The following CUL3 variants were observed in gnomAD, a reference collection of about 807,000 sequenced individuals.
CUL3 encodes cullin 3.
A neutral mutation model predicts 89.1 loss-of-function variants in CUL3; 19 were observed. The ratio of observed to expected loss-of-function variants is 0.21; its 90% CI spans 0.15 to 0.31. CUL3 has a LOEUF of 0.31. Ranked by LOEUF, CUL3 falls within the 10% of genes least tolerant of loss-of-function variation. The probability of loss-of-function intolerance (pLI) is 1.00; values close to 1 mark genes in which losing one functional copy is unlikely to be tolerated. For missense variants in CUL3, 469 were observed against 942.3 expected (o/e 0.50, Z 6.58); for synonymous variants, 351 against 308.4 (o/e 1.14, Z -1.45).
intron 14 of CUL3, 24 bp downstream of exon 14, chr2:224,481,868 G>A (rs1691550815): frequency 2.1e-6 from 3 of 1,408,638 alleles, no homozygotes; most frequent in Admixed American, 5.7e-5. Flanking sequence ...AATTTTTTGA[G>A]AGGAAAAATA....
intron 14 of CUL3, chr2:224,479,211 T>C (rs1037101075): frequency 3.9e-5 from 6 of 152,226 alleles, no homozygotes; most frequent in African/African-American, 7.2e-5. Context: ...GGCATGGGCA[T>C]AGATAGCCAC....
intron 2 of CUL3, among the ~76,000 whole-genome samples, chr2:224,546,823 A>G (rs1694322419): frequency 6.6e-6 from 1 of 152,070 alleles, no homozygotes; most frequent in Non-Finnish European, 1.5e-5. Flanking sequence ...AAACCATTCA[A>G]TTTCCAATGT....
rs1473557504 is a variant in CUL3, at chr2:224,584,939, C to T, written c.66+5G>A. Reference sequence around the variant, plus strand: ...CGGGGTCCCGGACGCCGAGGAGAGACTCACCGGAAAGGCCCGGATCCGCAT... The same window carrying T: ...CGGGGTCCCGGACGCCGAGGAGAGATTCACCGGAAAGGCCCGGATCCGCAT... On this transcript the variant is annotated splice_donor_5th_base_variant and intron_variant, in intron 1 of 15. Transcript: ENST00000264414. 6.8e-7 allele frequency: 1 copy of T among 1,480,174 alleles called. No individual in the cohort carries two copies. Among genetic ancestry groups the T allele is most frequent in the Admixed American group, 2.0e-5 (1 of 50,726 alleles). The allele number at this position is 1,480,174 out of a possible 1,614,324, so 91.7% of individuals were successfully genotyped here.
intron 1 of CUL3, among the ~76,000 whole-genome samples, chr2:224,562,374 C>A (rs1694929918): frequency 6.6e-6 from 1 of 151,912 alleles, no homozygotes; most frequent in African/African-American, 2.4e-5. Flanking sequence ...ACAGTGGCTC[C>A]CGCCTGTAAT....
In CUL3 at chr2:224,514,535, T is replaced by C. The variant is rs1265770102; in HGVS notation, c.539+77A>G. 2.5e-6 allele frequency: 3 copies of C among 1,224,434 alleles called. 1 individual carries two copies. Among genetic ancestry groups the C allele is most frequent in the Non-Finnish European group, 3.4e-6 (3 of 887,006 alleles). The allele number at this position is 1,224,434 out of a possible 1,614,324, so 75.8% of individuals were successfully genotyped here. A position where few individuals can be genotyped will look rare whatever the true frequency, so the allele number is the denominator to read the frequency against. On this transcript the variant is annotated intron_variant, in intron 4 of 15. Coordinates refer to ENST00000264414, the MANE Select transcript of CUL3 (RefSeq NM_003590.5). The stretch of plus-strand genomic sequence containing the variant: ...ACATTCAAACTTTTATTTATTTTAA[T>C]AAAACTAAGACAGTGAATCGTTCTC...
At chr2:224,576,686 A>AG (rs1695306331) in intron 1 of CUL3, among the ~76,000 whole-genome samples, 1 of 69,972 alleles carries the variant, frequency 1.4e-5, no homozygotes, top group East Asian at 5.6e-4. Context: ...AGTGAAAAAA[A>AG]AGGGGGGGGG....
chr2:224,540,076 A>G (rs1264119752), intron 2 of CUL3, among the ~76,000 whole-genome samples: 2 of 132,946 alleles, frequency 1.5e-5, no homozygotes, highest in Non-Finnish European at 3.2e-5. Context: ...TTTTTTTTTT[A>G]GATGGAGTAT....
intron 2 of CUL3, among the ~76,000 whole-genome samples, chr2:224,549,327 TA>T (rs60131758): frequency 0.24 from 30,316 of 128,862 alleles, 3,417 homozygotes; most frequent in African/African-American, 0.34. Context: ...GAAAATAAAT[TA>T]AAAAAAAAAA....
intron 1 of CUL3, among the ~76,000 whole-genome samples, chr2:224,576,085 T>C (rs1372504636): frequency 4.6e-5 from 7 of 152,220 alleles, no homozygotes; most frequent in African/African-American, 9.6e-5. Context: ...CAGATGGTCA[T>C]AGGGAGAGAG....
chr2:224,526,839 C>T (rs529352420), intron 3 of CUL3, among the ~76,000 whole-genome samples: 8 of 150,334 alleles, frequency 5.3e-5, no homozygotes, highest in African/African-American at 1.9e-4. Context: ...AAAAAGTTTA[C>T]TGTTCTATTA....
intron 13 of CUL3, among the ~76,000 whole-genome samples, chr2:224,488,975 C>A (rs995350566): frequency 6.6e-6 from 1 of 152,160 alleles, no homozygotes; most frequent in South Asian, 2.1e-4. Flanking sequence ...AATCAATAAA[C>A]GTAATCCACC....
intron 5 of CUL3, among the ~76,000 whole-genome samples, chr2:224,513,174 G>C (rs552600181): frequency 2.0e-5 from 3 of 152,116 alleles, no homozygotes; most frequent in African/African-American, 7.2e-5. Flanking sequence ...TTATCTGTAA[G>C]GTTTTCAGTC....
intron 1 of CUL3, among the ~76,000 whole-genome samples, chr2:224,570,122 G>A (rs1030699190): frequency 1.7e-4 from 26 of 151,806 alleles, no homozygotes; most frequent in South Asian, 4.2e-4. Flanking sequence ...CTTACAATGC[G>A]TGGCACAATG....
In CUL3 at chr2:224,567,512, G is replaced by A. The variant is rs145869197; in HGVS notation, c.67-9656C>T. Among the ~76,000 whole-genome samples, 1,331 of 152,210 alleles carry A rather than the reference G, an allele frequency of 8.7e-3. 10 individuals carry two copies. The highest frequency in any genetic ancestry group is 0.014 in the Non-Finnish European group (938 of 67,996). ...CCCAGCACCTTGGGAGGAAGAGGTG[G>A]GCGGATCACCAAGCCAGGAGATCCA... On this transcript the variant is annotated intron_variant, in intron 1 of 15. Coordinates refer to ENST00000264414, the MANE Select transcript of CUL3 (RefSeq NM_003590.5).
At chr2:224,484,142 G>A (rs1337277425) in intron 13 of CUL3, among the ~76,000 whole-genome samples, 2 of 152,004 alleles carry the variant, frequency 1.3e-5, no homozygotes, top group African/African-American at 4.8e-5. Context: ...CTGCACTCCA[G>A]TCTGGGCAAG....
intron 10 of CUL3, among the ~76,000 whole-genome samples, chr2:224,501,273 A>G (rs1292728897): frequency 2.6e-5 from 4 of 152,216 alleles, no homozygotes; most frequent in African/African-American, 9.6e-5. Context: ...TGTAGCTCAC[A>G]TTCTAACAAC....
intron 2 of CUL3, among the ~76,000 whole-genome samples, chr2:224,541,139 T>C (rs1162733464): frequency 2.0e-5 from 3 of 151,880 alleles, no homozygotes; most frequent in Non-Finnish European, 2.9e-5. Context: ...AAAACTTTTG[T>C]TCTGTAGACA....
chr2:224,563,365 T>A (rs1182154589), intron 1 of CUL3: 1 of 449,280 alleles, frequency 2.2e-6, no homozygotes, highest in African/African-American at 2.0e-5. Context: ...ACATCTATTA[T>A]CCGTACATGC....
At chr2:224,581,627 C>T (rs1472638956) in intron 1 of CUL3, among the ~76,000 whole-genome samples, 3 of 151,120 alleles carry the variant, frequency 2.0e-5, no homozygotes, top group East Asian at 2.0e-4. Flanking sequence ...CTTAGCCTCC[C>T]GAGCAGCTGG....
Sources: allele counts gnomAD v4.1 joint callset (sites outside exome capture counted in the v4.1 genomes callset), GRCh38; gene constraint gnomAD v4.1.1; transcripts MANE v1.5; gene names NCBI Gene and HGNC (gene_info 2026-07-23, HGNC 2026-07-21).